SREK1IP1: variants seen among roughly 807,000 people sequenced by gnomAD.
The protein encoded by SREK1IP1 is SREK1 interacting protein 1.
Under a neutral mutation model 22.8 loss-of-function variants are expected in SREK1IP1, and 12 were observed. The ratio of observed to expected loss-of-function variants is 0.53; its 90% CI spans 0.34 to 0.85. SREK1IP1 has a LOEUF of 0.85. SREK1IP1 is among the 40% of genes least tolerant of loss of function. The pLI, the probability that SREK1IP1 is intolerant of heterozygous loss-of-function variation, is 0.02. For missense variants in SREK1IP1, 147 were observed against 171.8 expected (o/e 0.86, Z 0.81); for synonymous variants, 53 against 52.7 (o/e 1.01, Z -0.02).
intron 2 of SREK1IP1, among the ~76,000 whole-genome samples, chr5:64,747,908 G>C (rs1357399836): frequency 1.3e-5 from 2 of 151,914 alleles, no homozygotes; most frequent in African/African-American, 4.8e-5. Context: ...ACTCCAGCCT[G>C]GGTGACAGAG....
intron 3 of SREK1IP1, among the ~76,000 whole-genome samples, chr5:64,733,375 T>C (rs1742409916): frequency 6.6e-6 from 1 of 152,068 alleles, no homozygotes; most frequent in African/African-American, 2.4e-5. Flanking sequence ...CACATATATA[T>C]ACACACACAC....
chr5:64,727,674 A>G (rs2112086391), intron 4 of SREK1IP1: 1 of 151,756 alleles, frequency 6.6e-6, no homozygotes, highest in South Asian at 2.1e-4. Context: ...CCTTCCACAT[A>G]GCTGGGAACA....
At chr5:64,766,313 T>C (rs2112121241) in intron 1 of SREK1IP1, among the ~76,000 whole-genome samples, 1 of 152,312 alleles carries the variant, frequency 6.6e-6, no homozygotes, top group South Asian at 2.1e-4. Flanking sequence ...GGTGTTGTCA[T>C]GTCAGTAAAC....
chr5:64,723,719 AAGG>A lies in SREK1IP1; in HGVS notation c.*662_*664del, dbSNP rs1368762097. ...AAGTATTTTAATTATTACAAAAACA[AAGG>A]AGGCAGGTACTAGAAATTCTGCATT... On this transcript the variant is annotated 3_prime_UTR_variant, in exon 5 of 5. Coordinates refer to ENST00000513458, the MANE Select transcript of SREK1IP1 (RefSeq NM_173829.4). 9 of 152,582 alleles carry A rather than the reference AAGG, an allele frequency of 5.9e-5. No homozygotes were observed. The highest frequency in any genetic ancestry group is 2.2e-4 in the African/African-American group (9 of 41,454). 9.5% of individuals were successfully genotyped at this position (152,582 alleles called of 1,614,324 possible).
In SREK1IP1 at chr5:64,724,584, T is replaced by C; in HGVS notation, c.279-11A>G. ...CTGGATGAGTAAGACCTATGGATAA[T>C]AATACATACTGACTGAGAATTGCAT... is the stretch of plus-strand genomic sequence containing the variant. On this transcript the variant is annotated splice_polypyrimidine_tract_variant and intron_variant, in intron 4 of 4. Coordinates refer to ENST00000513458, the MANE Select transcript of SREK1IP1 (RefSeq NM_173829.4). The C allele has an allele frequency of 6.6e-7, 1 of 1,513,210 alleles. No individual in the cohort carries two copies. The highest frequency in any genetic ancestry group is 8.8e-7 in the Non-Finnish European group (1 of 1,135,680). 93.7% of individuals were successfully genotyped at this position (1,513,210 alleles called of 1,614,324 possible).
At chr5:64,725,708 C>A (rs1184132141) in intron 4 of SREK1IP1, among the ~76,000 whole-genome samples, 3 of 152,056 alleles carry the variant, frequency 2.0e-5, no homozygotes, top group African/African-American at 7.2e-5. Context: ...CTCCTGCACC[C>A]TTGCCTCTTC....
At chr5:64,756,741 C>T (rs963865518) in intron 1 of SREK1IP1, among the ~76,000 whole-genome samples, 1 of 152,044 alleles carries the variant, frequency 6.6e-6, no homozygotes, top group Non-Finnish European at 1.5e-5. Flanking sequence ...ATTCTCCTGC[C>T]TCAGCCTCCT....
chr5:64,754,510 G>A (rs957801404), intron 1 of SREK1IP1, 148 bp from the exon 2 acceptor site: 2 of 680,954 alleles, frequency 2.9e-6, no homozygotes, highest in South Asian at 1.9e-5. Context: ...TGTCACCAAG[G>A]CTAGAGTACA....
chr5:64,746,326 C>T lies in SREK1IP1; in HGVS notation c.62-5126G>A, dbSNP rs553151714. Among the ~76,000 whole-genome samples the T allele has an allele frequency of 2.0e-5, 3 of 152,230 alleles. No homozygotes were observed. The South Asian group carries it at 6.2e-4, about 32-fold the overall frequency. On this transcript the variant is annotated intron_variant, in intron 2 of 4. Coordinates refer to ENST00000513458, the MANE Select transcript of SREK1IP1 (RefSeq NM_173829.4). ...TTTGGCAATGGATTCTTAGATCTAA[C>T]ACCAAAAGCACAAGCAACAAAAGAA...
At chr5:64,742,981 A>C (rs1742575147) in intron 2 of SREK1IP1, among the ~76,000 whole-genome samples, 1 of 152,182 alleles carries the variant, frequency 6.6e-6, no homozygotes, top group Non-Finnish European at 1.5e-5. Flanking sequence ...TGGAGTTTTC[A>C]GGCTTTGTGT....
At chr5:64,728,645 C>T (rs1742317420) in intron 3 of SREK1IP1, among the ~76,000 whole-genome samples, 1 of 152,178 alleles carries the variant, frequency 6.6e-6, no homozygotes, top group Non-Finnish European at 1.5e-5. Context: ...TTTACTCATA[C>T]ACACATAGTT....
intron 2 of SREK1IP1, among the ~76,000 whole-genome samples, chr5:64,746,789 C>T (rs1742645413): frequency 6.6e-6 from 1 of 152,112 alleles, no homozygotes; most frequent in Non-Finnish European, 1.5e-5. Flanking sequence ...TGTTACTACC[C>T]AGGGTTAGCA....
intron 3 of SREK1IP1, among the ~76,000 whole-genome samples, chr5:64,736,330 G>A (rs1742461455): frequency 1.3e-5 from 2 of 152,134 alleles, no homozygotes; most frequent in Non-Finnish European, 2.9e-5. Flanking sequence ...CTGTCTACTT[G>A]TGCCATTAGT....
Position 64,721,537 on chromosome 5 carries a change from G to A in SREK1IP1, c.*2847C>T, listed in dbSNP as rs1052738794. Reference sequence around the variant, plus strand: ...GATGTATATTAAGTATGAAGAAATAGGGATACCTCTGAGAAATATCAACCA... The same window carrying A: ...GATGTATATTAAGTATGAAGAAATAAGGATACCTCTGAGAAATATCAACCA... On this transcript the variant is annotated 3_prime_UTR_variant, in exon 5 of 5. Coordinates refer to ENST00000513458, the MANE Select transcript of SREK1IP1 (RefSeq NM_173829.4). 6.6e-6 allele frequency: 1 copy of A among 151,688 alleles called. No homozygotes were observed. The highest frequency in any genetic ancestry group is 2.4e-5 in the African/African-American group (1 of 41,240). 9.4% of individuals were successfully genotyped at this position (151,688 alleles called of 1,614,324 possible). A position where few individuals can be genotyped will look rare whatever the true frequency, so the allele number is the denominator to read the frequency against.
chr5:64,730,443 T>A (rs760313261), intron 3 of SREK1IP1, among the ~76,000 whole-genome samples: 1 of 151,614 alleles, frequency 6.6e-6, no homozygotes, highest in African/African-American at 2.4e-5. Context: ...CGAAAAAAAA[T>A]TGATGCTGAT....
chr5:64,754,180 G>T, intron 2 of SREK1IP1, 135 bp downstream of exon 2: 1 of 740,808 alleles, frequency 1.3e-6, no homozygotes, highest in Non-Finnish European at 2.2e-6. Context: ...AGGAATTTCT[G>T]TAACTAGATG....
At position 64,746,076 on chromosome 5, in the gene SREK1IP1, A is replaced by G. The variant is rs139029913; in HGVS notation, c.62-4876T>C. Among the ~76,000 whole-genome samples, 12 of 152,352 alleles carry G rather than the reference A, an allele frequency of 7.9e-5. No individual in the cohort carries two copies. The East Asian group carries it at 2.1e-3, about 27-fold the overall frequency. ...AGTCCAGAAATAAACCCACATATACATAGCGAACTGAGTTTTAGCAAGAGT... is the reference window on the plus strand; with the variant it reads ...AGTCCAGAAATAAACCCACATATACGTAGCGAACTGAGTTTTAGCAAGAGT... On this transcript the variant is annotated intron_variant, in intron 2 of 4. Coordinates refer to ENST00000513458, the MANE Select transcript of SREK1IP1 (RefSeq NM_173829.4).
intron 1 of SREK1IP1, among the ~76,000 whole-genome samples, chr5:64,757,129 G>A (rs1340218571): frequency 1.3e-5 from 2 of 152,204 alleles, no homozygotes; most frequent in Non-Finnish European, 2.9e-5. Flanking sequence ...CATTATTGAG[G>A]TGGGGCATCA....
chr5:64,752,542 A>G (rs79577968), intron 2 of SREK1IP1, among the ~76,000 whole-genome samples: 3,124 of 152,224 alleles, frequency 0.021, 101 homozygotes, highest in African/African-American at 0.072. Context: ...ACTTAACTCA[A>G]AACTTTAAAA....
Sources: allele counts gnomAD v4.1 joint callset (sites outside exome capture counted in the v4.1 genomes callset), GRCh38; gene constraint gnomAD v4.1.1; transcripts MANE v1.5; gene names NCBI Gene and HGNC (gene_info 2026-07-23, HGNC 2026-07-21).